The following DUOXA1 variants were observed in gnomAD, a reference collection of about 807,000 sequenced individuals.
DUOXA1 encodes the protein dual oxidase maturation factor 1, also known as dual oxidase activator 1.
Under a neutral mutation model 26.6 loss-of-function variants are expected in DUOXA1, and 19 were observed. That is an observed-to-expected ratio of 0.71 (90% confidence interval 0.50 to 1.05). The LOEUF (loss-of-function observed/expected upper bound fraction) is 1.05. Among genes scored for constraint, DUOXA1 ranks in the 50% least tolerant of loss-of-function variants. The pLI, the probability that DUOXA1 is intolerant of heterozygous loss-of-function variation, is 0.00. For missense variants in DUOXA1, 403 were observed against 427.5 expected (o/e 0.94, Z 0.51); for synonymous variants, 166 against 177.0 (o/e 0.94, Z 0.49).
At chr15:45,127,621 G>T (rs1262065309) in intron 3 of DUOXA1, among the ~76,000 whole-genome samples, 1 of 152,062 alleles carries the variant, frequency 6.6e-6, no homozygotes, top group African/African-American at 2.4e-5. Flanking sequence ...AGCTAACAGG[G>T]CTCATGCATG....
chr15:45,123,990 C>A (rs1466654025), intron 3 of DUOXA1, among the ~76,000 whole-genome samples: 1 of 152,100 alleles, frequency 6.6e-6, no homozygotes, highest in Non-Finnish European at 1.5e-5. Flanking sequence ...GCCAATTAAA[C>A]CATGGCCACC....
At position 45,117,678 on chromosome 15, in the gene DUOXA1, C is replaced by A. The variant is rs1392581830; in HGVS notation, c.*1428G>T. On this transcript the variant is annotated 3_prime_UTR_variant, in exon 9 of 9. Coordinates refer to ENST00000560572, the MANE Select transcript of DUOXA1 (RefSeq NM_001276266.2). ...CAGCCTGGGCAACATAGCCCTGACT[C>A]CACATGCCCTCCTTTCTTTCGATCC... 1 of 1,613,874 alleles carries A rather than the reference C, an allele frequency of 6.2e-7. No homozygotes were observed.
rs761719309 is a variant in DUOXA1 at position 45,119,156 on chromosome 15, T to C, written c.982A>G (p.Lys328Glu). 4.3e-6 allele frequency: 7 copies of C among 1,609,876 alleles called. No individual in the cohort carries two copies. In the South Asian group the frequency reaches 6.6e-5, roughly 15 times the overall value. Residue 328 changes from lysine to glutamate, a missense_variant, in exon 9 of 9, where the codon AAG becomes GAG. Coordinates refer to ENST00000560572, the MANE Select transcript of DUOXA1 (RefSeq NM_001276266.2). The stretch of plus-strand genomic sequence containing the variant: ...GGGTGTGCCTCCTTACAGTATGCCT[T>C]GGTGGAGGAAGCCTCTGACAGGGGA... ...DIPLSEASSTKAYCKEAHPKD... is the reference protein window; with the variant it reads ...DIPLSEASSTEAYCKEAHPKD...
chr15:45,117,539 G>A lies in DUOXA1; in HGVS notation c.*1567C>T. 2.6e-6 allele frequency: 4 copies of A among 1,565,718 alleles called. No homozygotes were observed. Among genetic ancestry groups the A allele is most frequent in the South Asian group, 1.2e-5 (1 of 86,282 alleles). On this transcript the variant is annotated 3_prime_UTR_variant, in exon 9 of 9. Transcript: ENST00000560572. ...TTCAGATTAGAGGTGTGTGGCGGGAGGTAACACAAGGGGTAGGCTCCAAAA... is the reference window on the plus strand; with the variant it reads ...TTCAGATTAGAGGTGTGTGGCGGGAAGTAACACAAGGGGTAGGCTCCAAAA...
In DUOXA1 at chr15:45,117,536, G is replaced by A. The variant is rs1894722743; in HGVS notation, c.*1570C>T. 6.4e-7 allele frequency: 1 copy of A among 1,563,444 alleles called. No individual in the cohort carries two copies. Among genetic ancestry groups the A allele is most frequent in the South Asian group, 1.2e-5 (1 of 86,056 alleles). On this transcript the variant is annotated 3_prime_UTR_variant, in exon 9 of 9. Coordinates refer to ENST00000560572, the MANE Select transcript of DUOXA1 (RefSeq NM_001276266.2). ...TAATTCAGATTAGAGGTGTGTGGCGGGAGGTAACACAAGGGGTAGGCTCCA... is the reference window on the plus strand; with the variant it reads ...TAATTCAGATTAGAGGTGTGTGGCGAGAGGTAACACAAGGGGTAGGCTCCA...
In DUOXA1 at chr15:45,117,903, C is replaced by A. The variant is rs776867354; in HGVS notation, c.*1203G>T. On this transcript the variant is annotated 3_prime_UTR_variant, in exon 9 of 9. Transcript: ENST00000560572. Reference sequence around the variant, plus strand: ...CAGACTTAAAATGTATCACCACTAACCTGTGAGGGGGACCCAATCTGGACT... The same window carrying A: ...CAGACTTAAAATGTATCACCACTAAACTGTGAGGGGGACCCAATCTGGACT... 6.2e-7 allele frequency: 1 copy of A among 1,613,400 alleles called. No individual in the cohort carries two copies. Among genetic ancestry groups the A allele is most frequent in the South Asian group, 1.1e-5 (1 of 91,082 alleles).
At chr15:45,121,809 GC>G (rs1455139904) in intron 5 of DUOXA1, among the ~76,000 whole-genome samples, 6 of 152,200 alleles carry the variant, frequency 3.9e-5, no homozygotes, top group African/African-American at 1.4e-4. Context: ...GAGCCACTGT[GC>G]CCGGCCTCAC....
In DUOXA1 at chr15:45,118,109, GT is replaced by G; in HGVS notation, c.*996del. ...TTTTTTCTTTTGTTTTTTAAAAACT[GT>G]TTTTCCCATTAATTTTCATGGCTTC... is the stretch of plus-strand genomic sequence containing the variant. On this transcript the variant is annotated 3_prime_UTR_variant, in exon 9 of 9. Coordinates refer to ENST00000560572, the MANE Select transcript of DUOXA1 (RefSeq NM_001276266.2). 2 of 1,483,538 alleles carry G rather than the reference GT, an allele frequency of 1.3e-6. No individual in the cohort carries two copies. Among genetic ancestry groups the G allele is most frequent in the Non-Finnish European group, 1.8e-6 (2 of 1,121,730 alleles). 91.9% of individuals were successfully genotyped at this position (1,483,538 alleles called of 1,614,324 possible).
chr15:45,121,953 G>T (rs1895247507), intron 5 of DUOXA1, among the ~76,000 whole-genome samples: 1 of 152,198 alleles, frequency 6.6e-6, no homozygotes, highest in African/African-American at 2.4e-5. Context: ...GAATAAAAGT[G>T]TTAGGAAGGT....
Position 45,117,645 on chromosome 15 carries a change from T to G in DUOXA1, c.*1461A>C. The stretch of plus-strand genomic sequence containing the variant: ...GCAGGAAGGTCGTTTGAGGCCAGAG[T>G]TCGAGACCAGCCTGGGCAACATAGC... On this transcript the variant is annotated 3_prime_UTR_variant, in exon 9 of 9. Coordinates refer to ENST00000560572, the MANE Select transcript of DUOXA1 (RefSeq NM_001276266.2). 1 of 1,613,674 alleles carries G rather than the reference T, an allele frequency of 6.2e-7. No homozygotes were observed. Among genetic ancestry groups the G allele is most frequent in the Non-Finnish European group, 8.5e-7 (1 of 1,179,842 alleles).
chr15:45,120,273 G>C lies in DUOXA1; in HGVS notation c.602C>G (p.Pro201Arg). Residue 201 changes from proline to arginine, a missense_variant, in exon 8 of 9, where the codon CCT (proline) becomes CGT (arginine). Physicochemically the swap from Pro to Arg is moderately radical, Grantham distance 103. Transcript: ENST00000560572. The part of the protein sequence containing the change: ...WLLANVMLSM[P>R]VLVYGGYMLL... Reference sequence around the variant, plus strand: ...CATGTAGCCACCATATACCAGCACAGGCATGGAGAGCATCACATTGGCCAG... The same window carrying C: ...CATGTAGCCACCATATACCAGCACACGCATGGAGAGCATCACATTGGCCAG... The C allele has an allele frequency of 6.2e-7, 1 of 1,614,140 alleles. No homozygotes were observed.
At chr15:45,123,103 T>G in intron 3 of DUOXA1, 60 bp from the exon 4 acceptor site, 3 of 1,463,612 alleles carry the variant, frequency 2.0e-6, no homozygotes, top group Non-Finnish European at 2.7e-6. Context: ...CTGTTTTTAG[T>G]GCTGGAGATA....
chr15:45,118,884 G>A lies in DUOXA1; in HGVS notation c.*222C>T. ...CCTGCTTGGCCTTATCATGGCAACA[G>A]GCTTTATGGACAGGCCCAGCATCTC... On this transcript the variant is annotated 3_prime_UTR_variant, in exon 9 of 9. Transcript: ENST00000560572. The A allele has an allele frequency of 4.8e-6, 6 of 1,261,812 alleles. No homozygotes were observed. The highest frequency in any genetic ancestry group is 6.0e-6 in the Non-Finnish European group (6 of 1,003,546). The allele number at this position is 1,261,812 out of a possible 1,614,324, so 78.2% of individuals were successfully genotyped here.
Position 45,122,226 on chromosome 15 carries a change from A to C in DUOXA1, c.164T>G (p.Leu55Arg). The C allele has an allele frequency of 6.2e-7, 1 of 1,605,234 alleles. No individual in the cohort carries two copies. Among genetic ancestry groups the C allele is most frequent in the Middle Eastern group, 1.7e-4 (1 of 6,056 alleles). The change falls in exon 5 of 9, where the codon CTT becomes CGT. Residue 55 changes from leucine to arginine, a missense_variant. Transcript: ENST00000560572. ...GATGAATAAGCTGGTCACCACCCGA[A>C]GCAGCCAGAACAGCCTCTGAGTCAC... Reference protein sequence around the residue: ...IRGKTRLFWLLRVVTSLFIGA... With the variant: ...IRGKTRLFWLRRVVTSLFIGA...
chr15:45,124,941 A>C (rs1357351095), intron 3 of DUOXA1, among the ~76,000 whole-genome samples: 1 of 152,148 alleles, frequency 6.6e-6, no homozygotes, highest in East Asian at 1.9e-4. Flanking sequence ...TTCATCTGTA[A>C]ATGGATTTCA....
intron 5 of DUOXA1, 91 bp from the exon 6 acceptor site, chr15:45,121,312 C>G: frequency 1.9e-6 from 3 of 1,581,426 alleles, no homozygotes; most frequent in Non-Finnish European, 2.6e-6. Flanking sequence ...GGGTCCATGT[C>G]TGTTTTGGTC....
intron 3 of DUOXA1, among the ~76,000 whole-genome samples, chr15:45,127,188 C>T (rs958188471): frequency 1.5e-4 from 23 of 152,008 alleles, no homozygotes; most frequent in African/African-American, 4.6e-4. Context: ...GAAGATAAAG[C>T]GAGGCTAACA....
At chr15:45,127,041 G>C (rs1895734761) in intron 3 of DUOXA1, among the ~76,000 whole-genome samples, 1 of 152,126 alleles carries the variant, frequency 6.6e-6, no homozygotes, top group Admixed American at 6.5e-5. Context: ...TGTGATAGTG[G>C]TATTTATTTT....
In DUOXA1 at chr15:45,118,835, G is replaced by A. The variant is rs1365106761; in HGVS notation, c.*271C>T. 4 of 1,171,302 alleles carry A rather than the reference G, an allele frequency of 3.4e-6. No homozygotes were observed. The highest frequency in any genetic ancestry group is 4.2e-6 in the Non-Finnish European group (4 of 948,406). 72.6% of individuals were successfully genotyped at this position (1,171,302 alleles called of 1,614,324 possible). On this transcript the variant is annotated 3_prime_UTR_variant, in exon 9 of 9. Coordinates refer to ENST00000560572, the MANE Select transcript of DUOXA1 (RefSeq NM_001276266.2). Reference sequence around the variant, plus strand: ...GAGGCAAGGCAGCACGGAAAGGCTGGGTTGCTGTGCAGATAAGCTAGCCCC... The same window carrying A: ...GAGGCAAGGCAGCACGGAAAGGCTGAGTTGCTGTGCAGATAAGCTAGCCCC...
Sources: gnomAD v4.1 joint callset for allele counts (sites outside exome capture counted in the v4.1 genomes callset) on GRCh38, gnomAD v4.1.1 for gene constraint, MANE v1.5 for transcripts, NCBI Gene and HGNC (gene_info 2026-07-23, HGNC 2026-07-21) for gene names.